The following CIB4 variants were observed in gnomAD, a reference collection of about 807,000 sequenced individuals.
CIB4 encodes the protein calcium and integrin binding family member 4.
CIB4 carries 25 observed loss-of-function variants against 25.8 expected under a neutral mutation model. The ratio of observed to expected loss-of-function variants is 0.97; its 90% CI spans 0.71 to 1.35. CIB4 has a LOEUF of 1.35. CIB4 is among the 40% of genes most tolerant of loss of function. CIB4 has a pLI of 0.00. For missense variants in CIB4, 235 were observed against 228.2 expected (o/e 1.03, Z -0.19); for synonymous variants, 75 against 81.4 (o/e 0.92, Z 0.42).
chr2:26,606,090 ACACAAAGCT>A (rs1361894555), intron 3 of CIB4, among the ~76,000 whole-genome samples: 1 of 152,180 alleles, frequency 6.6e-6, no homozygotes, highest in Admixed American at 6.5e-5. Flanking sequence ...GGGAATGAAG[ACACAAAGCT>A]CATCGTCTGA....
chr2:26,634,249 C>A (rs1315634966), intron 2 of CIB4, among the ~76,000 whole-genome samples: 1 of 152,198 alleles, frequency 6.6e-6, no homozygotes, highest in African/African-American at 2.4e-5. Context: ...TTCACCCCCA[C>A]CCCACGGGGT....
At chr2:26,600,568 G>A (rs1668762725) in intron 3 of CIB4, among the ~76,000 whole-genome samples, 1 of 152,194 alleles carries the variant, frequency 6.6e-6, no homozygotes, top group Non-Finnish European at 1.5e-5. Context: ...GTCTTGAGTG[G>A]AGTCCTCAGT....
intron 4 of CIB4, among the ~76,000 whole-genome samples, chr2:26,592,806 C>G (rs894548223): frequency 1.3e-5 from 2 of 152,114 alleles, no homozygotes; most frequent in Non-Finnish European, 2.9e-5. Context: ...TTGATTCTTT[C>G]TTATAGTTTC....
At chr2:26,585,470 C>A (rs1668434067) in intron 4 of CIB4, among the ~76,000 whole-genome samples, 1 of 152,060 alleles carries the variant, frequency 6.6e-6, no homozygotes, top group African/African-American at 2.4e-5. Flanking sequence ...GCACCACTCC[C>A]CTAGAGCTCC....
At chr2:26,597,902 C>T (rs1668709504) in intron 3 of CIB4, among the ~76,000 whole-genome samples, 1 of 149,962 alleles carries the variant, frequency 6.7e-6, no homozygotes, top group African/African-American at 2.5e-5. Context: ...CCTATTTCCA[C>T]TAAGGTGCCT....
intron 3 of CIB4, among the ~76,000 whole-genome samples, chr2:26,606,177 G>A (rs779409363): frequency 6.6e-6 from 1 of 152,194 alleles, no homozygotes; most frequent in African/African-American, 2.4e-5. Flanking sequence ...CTGAGTCCTG[G>A]GGCCCCCCAA....
In CIB4 at chr2:26,590,258, T is replaced by TAAAAAAAAAAAAAAAAAA. The variant is rs869097756; in HGVS notation, c.328+4900_328+4917dup. ...CCTGGAGCTGGGGCCCAAGCATCTG[T>TAAAAAAAAAAAAAAAAAA]AAAAAAAAAAAAAAAAAAAAAAAAA... On this transcript the variant is annotated intron_variant, in intron 4 of 6. Coordinates refer to ENST00000288861, the MANE Select transcript of CIB4 (RefSeq NM_001029881.3). Among the ~76,000 whole-genome samples, 12 of 61,830 alleles carry TAAAAAAAAAAAAAAAAAA rather than the reference T, an allele frequency of 1.9e-4. 3 individuals carry two copies. The East Asian group carries it at 3.3e-3, about 17-fold the overall frequency. The allele number at this position is 61,830 out of a possible 152,430, so 40.6% of individuals were successfully genotyped here.
intron 3 of CIB4, among the ~76,000 whole-genome samples, chr2:26,610,680 G>A (rs1366232861): frequency 1.3e-5 from 2 of 152,192 alleles, no homozygotes; most frequent in Non-Finnish European, 2.9e-5. Flanking sequence ...AGAAAGGAAG[G>A]CAGGAAACTG....
chr2:26,581,425 C>A, intron 6 of CIB4, 32 bp from the exon 7 acceptor site: 2 of 1,612,646 alleles, frequency 1.2e-6, no homozygotes, highest in African/African-American at 1.3e-5. Context: ...GCCATGTGAG[C>A]CCGCAGGTCC....
At chr2:26,639,836 G>A (rs1669602321) in intron 2 of CIB4, among the ~76,000 whole-genome samples, 1 of 152,102 alleles carries the variant, frequency 6.6e-6, no homozygotes, top group South Asian at 2.1e-4. Context: ...ACCTTCCCCT[G>A]AAAGTGTCTT....
At chr2:26,588,820 G>T (rs1452231147) in intron 4 of CIB4, among the ~76,000 whole-genome samples, 1 of 152,154 alleles carries the variant, frequency 6.6e-6, no homozygotes, top group African/African-American at 2.4e-5. Context: ...TGGGATGGTG[G>T]TCTCTCACCA....
At chr2:26,591,944 C>G (rs532649674) in intron 4 of CIB4, among the ~76,000 whole-genome samples, 2 of 152,356 alleles carry the variant, frequency 1.3e-5, no homozygotes, top group African/African-American at 4.8e-5. Flanking sequence ...GTCAAGCGCC[C>G]TCCAGGTGAG....
intron 4 of CIB4, 80 bp downstream of exon 4, chr2:26,595,096 G>T (rs1334909275): frequency 1.5e-6 from 2 of 1,360,232 alleles, no homozygotes; most frequent in Non-Finnish European, 2.1e-6. Flanking sequence ...ATCCATCAAT[G>T]AACTGATGAT....
At chr2:26,601,231 A>AATATATATATATAT (rs1165155834) in intron 3 of CIB4, among the ~76,000 whole-genome samples, 1 of 17,234 alleles carries the variant, frequency 5.8e-5, no homozygotes, top group African/African-American at 1.5e-4. Flanking sequence ...AAAAAAAAAA[A>AATATATATATATAT]ATATATATAT....
At chr2:26,640,647 G>C in intron 1 of CIB4, 80 bp from the exon 2 acceptor site, 2 of 1,441,870 alleles carry the variant, frequency 1.4e-6, no homozygotes. Context: ...CAATTCAGAG[G>C]CTGGGGAGGA....
chr2:26,614,527 A>G (rs1731240), intron 3 of CIB4, among the ~76,000 whole-genome samples: 67,554 of 152,136 alleles, frequency 0.44, 16,469 homozygotes, highest in Non-Finnish European at 0.55. Flanking sequence ...ACACATGAAC[A>G]GTTTTCCCAG....
At chr2:26,622,033 C>T (rs931614412) in intron 3 of CIB4, among the ~76,000 whole-genome samples, 1 of 152,218 alleles carries the variant, frequency 6.6e-6, no homozygotes, top group African/African-American at 2.4e-5. Flanking sequence ...TATTTCATGA[C>T]TCAGCTCTGA....
chr2:26,595,899 A>G (rs1163147332), intron 3 of CIB4, among the ~76,000 whole-genome samples: 5 of 5,076 alleles, frequency 9.9e-4, no homozygotes, highest in African/African-American at 1.2e-3. Context: ...ATCTGCGCGC[A>G]CACACACACA....
chr2:26,623,400 C>A, intron 3 of CIB4: 2 of 362,864 alleles, frequency 5.5e-6, no homozygotes, highest in Non-Finnish European at 1.2e-5. Flanking sequence ...CACTACCATT[C>A]CCACCCCACC....
Sources: allele counts gnomAD v4.1 joint callset (sites outside exome capture counted in the v4.1 genomes callset), GRCh38; gene constraint gnomAD v4.1.1; transcripts MANE v1.5; gene names NCBI Gene and HGNC (gene_info 2026-07-23, HGNC 2026-07-21).